DCT: variants seen among roughly 807,000 people sequenced by gnomAD.
DCT encodes the protein dopachrome tautomerase.
Under a neutral mutation model 53.0 loss-of-function variants are expected in DCT, and 47 were observed. That is an observed-to-expected ratio of 0.89 (90% CI 0.70 to 1.13). The LOEUF is 1.13. DCT is among the 50% of genes most tolerant of loss of function. The pLI is 0.00. For missense variants in DCT, 669 were observed against 637.4 expected, an observed-to-expected ratio of 1.05 and a Z score of -0.53; for synonymous variants, 244 against 237.0, an observed-to-expected ratio of 1.03 and a Z score of -0.27.
the DCT span, among the ~76,000 whole-genome samples, chr13:94,538,475 A>G: frequency 6.6e-6 from 1 of 152,072 alleles, no homozygotes; most frequent in East Asian, 1.9e-4. Context: ...CATAGCCCCA[A>G]TACCTTGGTA....
At chr13:94,476,346 T>A (rs993574211) in intron 1 of DCT, among the ~76,000 whole-genome samples, 1 of 151,850 alleles carries the variant, frequency 6.6e-6, no homozygotes, top group African/African-American at 2.4e-5. Flanking sequence ...TTGCTAGCCA[T>A]GGCAAAAATA....
At chr13:94,530,499 GA>G in the DCT span, among the ~76,000 whole-genome samples, 1 of 152,132 alleles carries the variant, frequency 6.6e-6, no homozygotes, top group Admixed American at 6.5e-5. Flanking sequence ...GCAAATCAAC[GA>G]ACGTAATCCA....
intron 1 of DCT, among the ~76,000 whole-genome samples, chr13:94,471,101 AG>A (rs1470900355): frequency 6.6e-6 from 1 of 152,220 alleles, no homozygotes; most frequent in Non-Finnish European, 1.5e-5. Context: ...CTATGACCAT[AG>A]GGGAGGGGGA....
At chr13:94,465,352 C>T (rs928390534) in intron 4 of DCT, 2 of 218,978 alleles carry the variant, frequency 9.1e-6, no homozygotes, top group South Asian at 1.2e-4. Flanking sequence ...CTTTTAAAGG[C>T]AAAAACCGCA....
chr13:94,537,911 A>C, the DCT span, among the ~76,000 whole-genome samples: 2 of 152,186 alleles, frequency 1.3e-5, no homozygotes, highest in Non-Finnish European at 2.9e-5. Context: ...GTGGTGACCC[A>C]CCATTGGCAG....
rs766914313 is a variant in DCT, at chr13:94,465,776, A to C, written c.720T>G (p.Phe240Leu). 2.5e-6 allele frequency: 4 copies of C among 1,612,044 alleles called. No individual in the cohort carries two copies. The South Asian group carries it at 4.4e-5, about 18-fold the overall frequency. The change falls in exon 4 of 8, where the codon TTT becomes TTG. Residue 240 changes from phenylalanine to leucine, a missense_variant. Transcript: ENST00000377028. ...DLQRLIGNES[F>L]ALPYWNFATG... ...TGGCAAAGTTCCAGTAGGGCAAAGC[A>C]AAAGACTCATTGCCAATGAGTCGCT...
chr13:94,488,193 T>C, the DCT span, among the ~76,000 whole-genome samples: 1 of 152,162 alleles, frequency 6.6e-6, no homozygotes, highest in East Asian at 1.9e-4. Flanking sequence ...TAATGACTGA[T>C]TTGGGTAAGC....
chr13:94,469,146 G>T, intron 1 of DCT, 101 bp from the exon 2 acceptor site: 16 of 1,028,922 alleles, frequency 1.6e-5, no homozygotes, highest in Non-Finnish European at 2.3e-5. Flanking sequence ...AGAAGATGAA[G>T]GTGCTTACAC....
At chr13:94,489,329 GA>G in the DCT span, among the ~76,000 whole-genome samples, 2 of 152,094 alleles carry the variant, frequency 1.3e-5, no homozygotes, top group Non-Finnish European at 2.9e-5. Context: ...GTTACTTTGT[GA>G]ATAAGGACAA....
upstream of DCT, among the ~76,000 whole-genome samples, chr13:94,480,786 A>G (rs1885409568): frequency 1.3e-5 from 2 of 152,260 alleles, no homozygotes; most frequent in African/African-American, 4.8e-5. Context: ...GCCAGAGTTG[A>G]GAATCACTGA....
rs1045119276 is a variant in DCT at position 94,442,742 on chromosome 13, T to C, written c.1381+694A>G. On this transcript the variant is annotated intron_variant, in intron 7 of 7. Coordinates refer to ENST00000377028, the MANE Select transcript of DCT (RefSeq NM_001922.5). ...CCCAATCTGTTGGTAGACCAATCAA[T>C]GTCAGCCTTCATGAACCTATCCATC... Among the ~76,000 whole-genome samples, 12 of 152,330 alleles carry C rather than the reference T, an allele frequency of 7.9e-5. No individual in the cohort carries two copies. In the East Asian group the frequency reaches 2.3e-3, roughly 29 times the overall value.
In DCT at chr13:94,445,882, T is replaced by C. The variant is rs1317041177; in HGVS notation, c.1180-2245A>G. On this transcript the variant is annotated intron_variant, in intron 6 of 7. Transcript: ENST00000377028. ...CCATTCCTGGAGGCAGGGGAGAAAC[T>C]GTGGGGGGGCGGGGTGAAATGGGAA... The C allele has an allele frequency of 9.4e-6, 6 of 640,768 alleles. No individual in the cohort carries two copies. In the Admixed American group the frequency reaches 1.3e-4, roughly 14 times the overall value. The allele number at this position is 640,768 out of a possible 1,614,324, so 39.7% of individuals were successfully genotyped here.
At chr13:94,443,735 G>T in intron 6 of DCT, 98 bp from the exon 7 acceptor site, 1 of 997,248 alleles carries the variant, frequency 1.0e-6, no homozygotes, top group Non-Finnish European at 1.5e-6. Flanking sequence ...ACTTCTTCTT[G>T]ACATAGGAAC....
chr13:94,451,377 T>A (rs1241809988), intron 6 of DCT, among the ~76,000 whole-genome samples: 1 of 152,196 alleles, frequency 6.6e-6, no homozygotes, highest in African/African-American at 2.4e-5. Context: ...TCAGCTATAG[T>A]GAATGCAATT....
the DCT span, among the ~76,000 whole-genome samples, chr13:94,526,172 T>TCAG: frequency 2.6e-5 from 4 of 152,210 alleles, no homozygotes; most frequent in Non-Finnish European, 4.4e-5. Context: ...AAGAGCCAAA[T>TCAG]CAGCACTCAC....
At chr13:94,446,152 G>T (rs1882714870) in intron 6 of DCT, among the ~76,000 whole-genome samples, 1 of 152,166 alleles carries the variant, frequency 6.6e-6, no homozygotes, top group Non-Finnish European at 1.5e-5. Context: ...TGATGATCCA[G>T]GATCACAGAG....
At chr13:94,461,576 A>T (rs993000351) in intron 5 of DCT, among the ~76,000 whole-genome samples, 1 of 152,160 alleles carries the variant, frequency 6.6e-6, no homozygotes, top group African/African-American at 2.4e-5. Context: ...CTATGATTTG[A>T]GTTGAATTTA....
At chr13:94,514,719 G>T in the DCT span, among the ~76,000 whole-genome samples, 2 of 152,190 alleles carry the variant, frequency 1.3e-5, no homozygotes, top group East Asian at 3.9e-4. Context: ...AAGGCGGGAA[G>T]GGGGAAGACA....
At chr13:94,547,633 C>T in the DCT span, among the ~76,000 whole-genome samples, 1 of 151,990 alleles carries the variant, frequency 6.6e-6, no homozygotes, top group Non-Finnish European at 1.5e-5. Context: ...CCAGAACCTG[C>T]ATCCTTTCCC....
Sources: allele counts gnomAD v4.1 joint callset (sites outside exome capture counted in the v4.1 genomes callset), GRCh38; gene constraint gnomAD v4.1.1; transcripts MANE v1.5; gene names NCBI Gene and HGNC (gene_info 2026-07-23, HGNC 2026-07-21).